Variants in ZMIZ1 observed in about 807,000 individuals in gnomAD.
ZMIZ1 encodes zinc finger MIZ domain-containing protein 1.
In ZMIZ1, 17 loss-of-function variants were observed where a neutral mutation model predicts 113.9. That is an observed-to-expected ratio of 0.15 (90% CI 0.10 to 0.22). The LOEUF is 0.22. Ranked by LOEUF, ZMIZ1 falls within the 10% of genes least tolerant of loss-of-function variation. ZMIZ1 has a pLI of 1.00. For synonymous variants in ZMIZ1, 607 were observed against 603.1 expected (o/e 1.01, Z -0.09); for missense variants, 1,059 against 1,477.8 (o/e 0.72, Z 4.65).
At chr10:79,267,829 C>A (rs1851696701) in intron 7 of ZMIZ1, among the ~76,000 whole-genome samples, 1 of 152,202 alleles carries the variant, frequency 6.6e-6, no homozygotes, top group Non-Finnish European at 1.5e-5. Context: ...GGAGAGGTTC[C>A]TCTTAGTGTC....
intron 2 of ZMIZ1, among the ~76,000 whole-genome samples, chr10:79,131,108 T>TC (rs910039242): frequency 2.0e-5 from 3 of 152,122 alleles, no homozygotes; most frequent in African/African-American, 7.2e-5. Flanking sequence ...TCTTCCCATG[T>TC]CCCCCACAGC....
At chr10:79,216,360 C>T (rs1589435683) in intron 7 of ZMIZ1, 86 bp downstream of exon 7, 1 of 1,180,024 alleles carries the variant, frequency 8.5e-7, no homozygotes, top group Middle Eastern at 2.0e-4. Flanking sequence ...CTGCCCCTGC[C>T]TTCTGGTGCC....
At chr10:79,167,881 A>G (rs980133319) in intron 4 of ZMIZ1, among the ~76,000 whole-genome samples, 1 of 152,118 alleles carries the variant, frequency 6.6e-6, no homozygotes, top group Non-Finnish European at 1.5e-5. Flanking sequence ...GAGGTGCCCA[A>G]AGGTTGTGTC....
chr10:79,283,905 G>A (rs1297495865), intron 8 of ZMIZ1, among the ~76,000 whole-genome samples: 2 of 152,224 alleles, frequency 1.3e-5, no homozygotes, highest in East Asian at 1.9e-4. Flanking sequence ...GCTCCTCACT[G>A]GCTTGGCATT....
chr10:79,291,782 G>T (rs553511305), intron 10 of ZMIZ1, among the ~76,000 whole-genome samples: 1 of 152,222 alleles, frequency 6.6e-6, no homozygotes, highest in Non-Finnish European at 1.5e-5. Context: ...CTGGCCTGGG[G>T]TTGGCACAGC....
rs147943402 is a variant in ZMIZ1 at position 79,172,973 on chromosome 10, A to G, written c.-50+10840A>G. Among the ~76,000 whole-genome samples the G allele has an allele frequency of 4.1e-3, 623 of 152,320 alleles. 7 individuals are homozygous for G. The highest frequency in any genetic ancestry group is 0.014 in the African/African-American group (598 of 41,576). On this transcript the variant is annotated intron_variant, in intron 4 of 24. Coordinates refer to ENST00000334512, the MANE Select transcript of ZMIZ1 (RefSeq NM_020338.4). ...AATGGTAGTGACTGTGGGGCCAGCCAGGAGAGGAGGCAGTGAGTCAGATGG... is the reference window on the plus strand; with the variant it reads ...AATGGTAGTGACTGTGGGGCCAGCCGGGAGAGGAGGCAGTGAGTCAGATGG...
chr10:79,254,966 G>A (rs1850788105), intron 7 of ZMIZ1, among the ~76,000 whole-genome samples: 1 of 152,230 alleles, frequency 6.6e-6, no homozygotes, highest in South Asian at 2.1e-4. Flanking sequence ...TCCCTGAGCT[G>A]CCCACGACAG....
At position 79,225,492 on chromosome 10, in the gene ZMIZ1, G is replaced by A. The variant is rs1056900908; in HGVS notation, c.280+9218G>A. Among the ~76,000 whole-genome samples, 5 of 152,070 alleles carry A rather than the reference G, an allele frequency of 3.3e-5. No individual in the cohort carries two copies. The South Asian group carries it at 1.0e-3, about 32-fold the overall frequency. On this transcript the variant is annotated intron_variant, in intron 7 of 24. Transcript: ENST00000334512. Reference sequence around the variant, plus strand: ...CCCCTGTAATCCTAGCATTTTGGGAGGCTGAGGTGGGAGGATCACTTGAGC... The same window carrying A: ...CCCCTGTAATCCTAGCATTTTGGGAAGCTGAGGTGGGAGGATCACTTGAGC...
At chr10:79,156,654 G>C (rs933638488) in intron 3 of ZMIZ1, among the ~76,000 whole-genome samples, 1 of 152,208 alleles carries the variant, frequency 6.6e-6, no homozygotes, top group African/African-American at 2.4e-5. Flanking sequence ...CTGCTGGAGG[G>C]CATCCTGGAG....
chr10:79,196,350 C>T (rs1195806836), intron 4 of ZMIZ1, among the ~76,000 whole-genome samples: 1 of 152,216 alleles, frequency 6.6e-6, no homozygotes, highest in Non-Finnish European at 1.5e-5. Flanking sequence ...GAGCTGCAGC[C>T]CTGCCTGGGA....
chr10:79,170,047 C>A (rs1449773515), intron 4 of ZMIZ1, among the ~76,000 whole-genome samples: 2 of 152,216 alleles, frequency 1.3e-5, no homozygotes, highest in Non-Finnish European at 2.9e-5. Context: ...GGCATGCTAG[C>A]ACACCCAGGC....
At chr10:79,077,502 GGGGTT>G (rs1293187251) in intron 1 of ZMIZ1, among the ~76,000 whole-genome samples, 2 of 151,988 alleles carry the variant, frequency 1.3e-5, no homozygotes, top group Non-Finnish European at 2.9e-5. Context: ...GGGGAGGGGT[GGGGTT>G]TTCCATCGAA....
In ZMIZ1 at chr10:79,314,255, G is replaced by A. The variant is rs1476756766; in HGVS notation, c.*1506G>A. On this transcript the variant is annotated 3_prime_UTR_variant, in exon 25 of 25. Coordinates refer to ENST00000334512, the MANE Select transcript of ZMIZ1 (RefSeq NM_020338.4). ...TGCCCCGTGAGCCACATGGCCTAGG[G>A]TGATGCCAGGTTGTCCCGTCACTGG... 2.2e-5 allele frequency: 10 copies of A among 456,874 alleles called. No homozygotes were observed. Among genetic ancestry groups the A allele is most frequent in the Non-Finnish European group, 4.4e-5 (10 of 226,980 alleles). 28.3% of individuals were successfully genotyped at this position (456,874 alleles called of 1,614,324 possible). A position where few individuals can be genotyped will look rare whatever the true frequency, so the allele number is the denominator to read the frequency against.
chr10:79,201,704 G>T lies in ZMIZ1; in HGVS notation c.60+12G>T. 6.2e-7 allele frequency: 1 copy of T among 1,612,298 alleles called. No individual in the cohort carries two copies. The highest frequency in any genetic ancestry group is 8.5e-7 in the Non-Finnish European group (1 of 1,179,728). On this transcript the variant is annotated intron_variant, in intron 5 of 24. Coordinates refer to ENST00000334512, the MANE Select transcript of ZMIZ1 (RefSeq NM_020338.4). ...AGTGCATCAAGCAGGTGGGTGTGGG[G>T]CAAGGCACACTCCGAGGGCGGGGCA...
At chr10:79,137,455 C>T (rs777582710) in intron 2 of ZMIZ1, among the ~76,000 whole-genome samples, 3 of 152,372 alleles carry the variant, frequency 2.0e-5, no homozygotes, top group East Asian at 1.9e-4. Flanking sequence ...CCTACTCACC[C>T]GGACTAGGTG....
chr10:79,076,183 A>T (rs1205821285), intron 1 of ZMIZ1, among the ~76,000 whole-genome samples: 1 of 152,190 alleles, frequency 6.6e-6, no homozygotes, highest in Non-Finnish European at 1.5e-5. Context: ...ACTTGGTCTC[A>T]TCCAAGGTCA....
rs112664457 is a variant in ZMIZ1, at chr10:79,206,545, G to T, written c.61-1791G>T. 2.8e-3 allele frequency among the ~76,000 whole-genome samples: 428 copies of T among 152,322 alleles called. 3 individuals are homozygous for T. The highest frequency in any genetic ancestry group is 9.5e-3 in the African/African-American group (394 of 41,566). On this transcript the variant is annotated intron_variant, in intron 5 of 24. Coordinates refer to ENST00000334512, the MANE Select transcript of ZMIZ1 (RefSeq NM_020338.4). ...GCACAGGAGGCAGAGGTGAGGACCCGCCGCTGCCCTCTCAAAGGGCTTGTT... is the reference window on the plus strand; with the variant it reads ...GCACAGGAGGCAGAGGTGAGGACCCTCCGCTGCCCTCTCAAAGGGCTTGTT...
At chr10:79,125,856 A>G (rs1455767880) in intron 2 of ZMIZ1, among the ~76,000 whole-genome samples, 2 of 152,216 alleles carry the variant, frequency 1.3e-5, no homozygotes, top group African/African-American at 2.4e-5. Flanking sequence ...GGTAGCCAAC[A>G]TGGCGCTTCA....
chr10:79,096,214 G>T (rs1168332064), intron 1 of ZMIZ1, among the ~76,000 whole-genome samples: 1 of 152,136 alleles, frequency 6.6e-6, no homozygotes, highest in Non-Finnish European at 1.5e-5. Flanking sequence ...CAAGGAGTTA[G>T]AAATGAGATG....
Sources: gnomAD v4.1 joint callset for allele counts (sites outside exome capture counted in the v4.1 genomes callset) on GRCh38, gnomAD v4.1.1 for gene constraint, MANE v1.5 for transcripts, NCBI Gene and HGNC (gene_info 2026-07-23, HGNC 2026-07-21) for gene names.